FAM217B: variants seen among roughly 807,000 people sequenced by gnomAD.
FAM217B encodes the protein protein FAM217B.
For missense variants in FAM217B, 463 were observed against 456.9 expected (o/e 1.01, Z -0.12); for synonymous variants, 163 against 173.0 (o/e 0.94, Z 0.45).
rs1396478437 is a variant in FAM217B at position 59,940,549 on chromosome 20, C to T, written c.-203+14C>T. 2.0e-5 allele frequency: 3 copies of T among 152,286 alleles called. No individual in the cohort carries two copies. The highest frequency in any genetic ancestry group is 4.4e-5 in the Non-Finnish European group (3 of 68,072). 9.4% of individuals were successfully genotyped at this position (152,286 alleles called of 1,614,324 possible). A position where few individuals can be genotyped will look rare whatever the true frequency, so the allele number is the denominator to read the frequency against. ...GTCGCGAAACAGGTCTGATCAATTT[C>T]TGTTTACGTCTGCCTGGATTGCGCG... On this transcript the variant is annotated intron_variant, in intron 1 of 3. Coordinates refer to ENST00000360816, the MANE Select transcript of FAM217B (RefSeq NM_022106.3).
upstream of FAM217B, chr20:59,939,077 G>A (rs771543397): frequency 3.2e-6 from 5 of 1,581,950 alleles, no homozygotes; most frequent in South Asian, 2.2e-5. Flanking sequence ...CGCGAGGCAT[G>A]TGCAGCGCGT....
upstream of FAM217B, chr20:59,939,236 C>G (rs770348495): frequency 3.7e-6 from 6 of 1,611,298 alleles, no homozygotes; most frequent in East Asian, 1.3e-4. Context: ...AAACGTCCTC[C>G]GTGCCCTCGG....
intron 1 of FAM217B, among the ~76,000 whole-genome samples, chr20:59,941,175 G>A (rs764542275): frequency 6.6e-6 from 1 of 152,226 alleles, no homozygotes; most frequent in Non-Finnish European, 1.5e-5. Flanking sequence ...GTGAAATGAA[G>A]TAGAAAAGAT....
At chr20:59,940,291 G>C (rs1016706368), upstream of FAM217B, 3 of 184,364 alleles carry the variant, frequency 1.6e-5, no homozygotes, top group African/African-American at 7.1e-5. Context: ...GGTCCGCGGC[G>C]TTACTTACAA....
upstream of FAM217B, chr20:59,939,998 C>T (rs1036952707): frequency 6.6e-6 from 8 of 1,210,176 alleles, no homozygotes; most frequent in Non-Finnish European, 7.3e-6. Flanking sequence ...CGACAGCTCC[C>T]TCCGTGCTCA....
In FAM217B at chr20:59,945,062, C is replaced by T. The variant is rs776971702; in HGVS notation, c.1119C>T (p.Asn373=). The change falls in exon 4 of 4, where the codon AAC becomes AAT. Residue 373 remains asparagine, a synonymous_variant. Coordinates refer to ENST00000360816, the MANE Select transcript of FAM217B (RefSeq NM_022106.3). ...TVSSEKKLKT[N]GVKQNTYKLK ...CGAGTGAGAAAAAACTGAAAACAAA[C>T]GGAGTAAAGCAAAACACATATAAAC... The T allele has an allele frequency of 8.7e-6, 14 of 1,601,424 alleles. No homozygotes were observed. The highest frequency in any genetic ancestry group is 1.1e-5 in the South Asian group (1 of 88,738).
At chr20:59,939,231 TCCTCCGTGCCCTCGGGG>T, upstream of FAM217B, 1 of 1,610,892 alleles carries the variant, frequency 6.2e-7, no homozygotes, top group African/African-American at 1.3e-5. Context: ...GGTGAAAACG[TCCTCCGTGCCCTCGGGG>T]CCTGCGGGCC....
chr20:59,939,070 G>T (rs757041020), upstream of FAM217B: 3 of 1,571,318 alleles, frequency 1.9e-6, no homozygotes, highest in Admixed American at 5.4e-5. Context: ...CACTCCCCGC[G>T]AGGCATGTGC....
rs1180582304 is a variant in FAM217B at position 59,944,226 on chromosome 20, A to G, written c.283A>G (p.Ser95Gly). 6.2e-7 allele frequency: 1 copy of G among 1,614,082 alleles called. No homozygotes were observed. The highest frequency in any genetic ancestry group is 2.2e-5 in the East Asian group (1 of 44,896). Residue 95 changes from serine (S) to glycine (G), a missense_variant, in exon 4 of 4, where the codon AGT (serine) becomes GGT (glycine). Ser to Gly is a moderately conservative substitution (Grantham distance 56). Transcript: ENST00000360816. ...IKENADEDSA[S>G]DLSDSERIPI... Reference sequence around the variant, plus strand: ...AGAGAATGCTGATGAGGACAGTGCAAGTGATCTCTCTGATTCGGAAAGAAT... The same window carrying G: ...AGAGAATGCTGATGAGGACAGTGCAGGTGATCTCTCTGATTCGGAAAGAAT...
intron 1 of FAM217B, among the ~76,000 whole-genome samples, chr20:59,935,255 C>A (rs192385741): frequency 1.3e-5 from 2 of 152,216 alleles, no homozygotes; most frequent in Admixed American, 1.3e-4. Context: ...TAATACACTT[C>A]AAAAATTAAT....
In FAM217B at chr20:59,946,077, T is replaced by C. The variant is rs968931589; in HGVS notation, c.*982T>C. The C allele has an allele frequency of 1.2e-5, 2 of 167,024 alleles. No individual in the cohort carries two copies. Among genetic ancestry groups the C allele is most frequent in the Admixed American group, 6.5e-5 (1 of 15,274 alleles). 10.3% of individuals were successfully genotyped at this position (167,024 alleles called of 1,614,324 possible). On this transcript the variant is annotated 3_prime_UTR_variant, in exon 4 of 4. Transcript: ENST00000360816. ...TGTGGTCCTTAGTCAAAAATAATGA[T>C]CTGTTTCAGTTTGCAAGAGCAGGAT...
In FAM217B at chr20:59,944,141, G is replaced by A; in HGVS notation, c.198G>A (p.Arg66=). The change falls in exon 4 of 4, where the codon AGG becomes AGA. Residue 66 remains arginine (R), a synonymous_variant. Transcript: ENST00000360816. The stretch of plus-strand genomic sequence containing the variant: ...GCAAAAGGAATCCACTCGGTTCCAG[G>A]TGTCAGGGGGCCTCAGGGAATAAAC... ...ARRKRNPLGS[R]CQGASGNKLF... 3 of 1,614,140 alleles carry A rather than the reference G, an allele frequency of 1.9e-6. No homozygotes were observed. The highest frequency in any genetic ancestry group is 2.2e-5 in the East Asian group (1 of 44,884).
upstream of FAM217B, chr20:59,939,598 C>G: frequency 6.2e-7 from 1 of 1,600,994 alleles, no homozygotes; most frequent in South Asian, 1.1e-5. Flanking sequence ...TGTGCCAGCT[C>G]CAAGCCCAGG....
In FAM217B at chr20:59,944,951, A is replaced by T; in HGVS notation, c.1008A>T (p.Ala336=). 6.2e-7 allele frequency: 1 copy of T among 1,614,238 alleles called. No individual in the cohort carries two copies. The highest frequency in any genetic ancestry group is 8.5e-7 in the Non-Finnish European group (1 of 1,180,048). The change falls in exon 4 of 4, where the codon GCA becomes GCT. Residue 336 remains alanine (A), a synonymous_variant. Coordinates refer to ENST00000360816, the MANE Select transcript of FAM217B (RefSeq NM_022106.3). The part of the protein sequence containing the change: ...PKQAAVILDS[A]DSCKASKTQA... ...AGGCAGCTGTGATTCTGGACTCAGC[A>T]GATTCCTGTAAGGCCTCCAAAACAC...
At chr20:59,939,215 GC>G, upstream of FAM217B, 1 of 1,610,792 alleles carries the variant, frequency 6.2e-7, no homozygotes, top group Non-Finnish European at 8.5e-7. Context: ...GTACTGGAAA[GC>G]CGAAGGTGAA....
rs1394410691 is a variant in FAM217B, at chr20:59,947,832, T to C, written c.*2737T>C. ...TAATACATCTTAATGCATTAAATGC[T>C]GCAGATAAGAATCTTGCTATTTTTC... is the stretch of plus-strand genomic sequence containing the variant. On this transcript the variant is annotated 3_prime_UTR_variant, in exon 4 of 4. Coordinates refer to ENST00000360816, the MANE Select transcript of FAM217B (RefSeq NM_022106.3). The C allele has an allele frequency of 6.0e-6, 1 of 167,032 alleles. No individual in the cohort carries two copies. Among genetic ancestry groups the C allele is most frequent in the East Asian group, 1.9e-4 (1 of 5,204 alleles). 10.3% of individuals were successfully genotyped at this position (167,032 alleles called of 1,614,324 possible).
At position 59,943,957 on chromosome 20, in the gene FAM217B, C is replaced by T. The variant is rs1331513030; in HGVS notation, c.14C>T (p.Pro5Leu). 1.9e-6 allele frequency: 3 copies of T among 1,599,414 alleles called. No homozygotes were observed. Among genetic ancestry groups the T allele is most frequent in the South Asian group, 1.1e-5 (1 of 88,546 alleles). Residue 5 changes from proline (P) to leucine (L), a missense_variant, in exon 4 of 4, where the codon CCA (proline) becomes CTA (leucine). Coordinates refer to ENST00000360816, the MANE Select transcript of FAM217B (RefSeq NM_022106.3). Reference protein sequence around the residue: MNAGPSWNKVQHSKN... With the variant: MNAGLSWNKVQHSKN... ...TCTCACAGCAATATGAATGCTGGCC[C>T]ATCTTGGAATAAAGTGCAACATTCA...
chr20:59,939,803 G>C (rs1474981905), upstream of FAM217B: 5 of 1,231,198 alleles, frequency 4.1e-6, no homozygotes, highest in Non-Finnish European at 5.1e-6. Flanking sequence ...GGCTCCCAGG[G>C]GGCCTACAGG....
At chr20:59,934,927 C>G (rs1443030315) in intron 1 of FAM217B, among the ~76,000 whole-genome samples, 3 of 152,178 alleles carry the variant, frequency 2.0e-5, no homozygotes, top group African/African-American at 7.2e-5. Context: ...TTACCAACTT[C>G]TTGACAACTT....
Sources: gnomAD v4.1 joint callset for allele counts (sites outside exome capture counted in the v4.1 genomes callset) on GRCh38, gnomAD v4.1.1 for gene constraint, MANE v1.5 for transcripts, NCBI Gene and HGNC (gene_info 2026-07-23, HGNC 2026-07-21) for gene names.